Variants in SLC6A17 observed in about 807,000 individuals in gnomAD.
SLC6A17 encodes solute carrier family 6 member 17.
Under a neutral mutation model 64.5 loss-of-function variants are expected in SLC6A17, and 21 were observed. The observed-to-expected ratio is 0.33, with a 90% confidence interval of 0.23 to 0.47. SLC6A17 has a LOEUF of 0.47. Among genes scored for constraint, SLC6A17 ranks in the 20% least tolerant of loss-of-function variants. SLC6A17 has a pLI of 1.00. For synonymous variants in SLC6A17, 372 were observed against 399.5 expected (o/e 0.93, Z 0.82); for missense variants, 682 against 963.2 (o/e 0.71, Z 3.86).
intron 1 of SLC6A17, among the ~76,000 whole-genome samples, chr1:110,153,523 G>GTGTGTGTGTGTGTGTA: frequency 6.6e-6 from 1 of 150,808 alleles, no homozygotes; most frequent in Non-Finnish European, 1.5e-5. Context: ...CTGGAAATGT[G>GTGTGTGTGTGTGTGTA]TGTGTGTGTG....
intron 4 of SLC6A17, 92 bp downstream of exon 4, chr1:110,174,191 G>A (rs1656313167): frequency 9.2e-6 from 14 of 1,521,480 alleles, no homozygotes; most frequent in Non-Finnish European, 1.2e-5. Context: ...TTTCAGACTT[G>A]TTGTGTCCCC....
intron 6 of SLC6A17, among the ~76,000 whole-genome samples, chr1:110,183,137 C>T (rs553496766): frequency 5.9e-5 from 9 of 152,294 alleles, no homozygotes; most frequent in Admixed American, 2.0e-4. Flanking sequence ...TCCAAGAGAA[C>T]TGAAAGCATG....
intron 1 of SLC6A17, among the ~76,000 whole-genome samples, chr1:110,154,451 C>T (rs912102179): frequency 6.6e-6 from 1 of 151,990 alleles, no homozygotes; most frequent in Non-Finnish European, 1.5e-5. Context: ...GTTAGTGCCC[C>T]GGGAAAAGGG....
Position 110,174,107 on chromosome 1 carries a change from T to G in SLC6A17, c.571+8T>G. The G allele has an allele frequency of 1.9e-6, 3 of 1,613,780 alleles. No homozygotes were observed. The East Asian group carries it at 6.7e-5, about 36-fold the overall frequency. ...GGAATGGGAGCGTGGCAGGCAAGTA[T>G]GGGGCCCAGCTGGGGATGCCAGCCA... On this transcript the variant is annotated splice_region_variant and intron_variant, in intron 4 of 11. Transcript: ENST00000331565.
chr1:110,198,750 A>C lies in SLC6A17; in HGVS notation c.*306A>C. On this transcript the variant is annotated 3_prime_UTR_variant, in exon 12 of 12. Transcript: ENST00000331565. ...AGGCCTGCTTCCCAGTCCATGGGAGATTCCAAGTGGCCACTGCAGGAGTCA... is the reference window on the plus strand; with the variant it reads ...AGGCCTGCTTCCCAGTCCATGGGAGCTTCCAAGTGGCCACTGCAGGAGTCA... 3.4e-6 allele frequency: 1 copy of C among 297,252 alleles called. No individual in the cohort carries two copies. 18.4% of individuals were successfully genotyped at this position (297,252 alleles called of 1,614,324 possible). A position where few individuals can be genotyped will look rare whatever the true frequency, so the allele number is the denominator to read the frequency against.
intron 3 of SLC6A17, 70 bp from the exon 4 acceptor site, chr1:110,173,898 GGGCCT>G: frequency 2.6e-6 from 4 of 1,529,232 alleles, no homozygotes; most frequent in East Asian, 2.4e-5. Context: ...CCGACGTGCT[GGGCCT>G]CGGGTGGAGC....
intron 10 of SLC6A17, 48 bp from the exon 11 acceptor site, chr1:110,197,389 G>T: frequency 1.9e-6 from 3 of 1,568,174 alleles, no homozygotes; most frequent in Non-Finnish European, 2.6e-6. Context: ...GAAGAGGGAG[G>T]TGTGACTGAG....
At chr1:110,197,352 G>A in intron 10 of SLC6A17, 85 bp from the exon 11 acceptor site, 2 of 1,516,782 alleles carry the variant, frequency 1.3e-6, no homozygotes, top group South Asian at 1.3e-5. Context: ...GGGAAACGAA[G>A]ACTTTCTGGA....
At chr1:110,165,850 G>A (rs967353856) in intron 1 of SLC6A17, among the ~76,000 whole-genome samples, 2 of 152,188 alleles carry the variant, frequency 1.3e-5, no homozygotes, top group Admixed American at 6.5e-5. Context: ...CAGGGCAACC[G>A]CAGGCTGGGG....
At chr1:110,159,002 A>G (rs1655830518) in intron 1 of SLC6A17, among the ~76,000 whole-genome samples, 1 of 152,226 alleles carries the variant, frequency 6.6e-6, no homozygotes, top group Admixed American at 6.5e-5. Context: ...TCAATGAAAT[A>G]TAGGTAATTA....
chr1:110,181,880 T>C lies in SLC6A17; in HGVS notation c.864+5141T>C, dbSNP rs112443392. Among the ~76,000 whole-genome samples, 549 of 152,210 alleles carry C rather than the reference T, an allele frequency of 3.6e-3. 1 individual carries two copies. Among genetic ancestry groups the C allele is most frequent in the African/African-American group, 0.013 (525 of 41,528 alleles). On this transcript the variant is annotated intron_variant, in intron 6 of 11. Coordinates refer to ENST00000331565, the MANE Select transcript of SLC6A17 (RefSeq NM_001010898.4). Reference sequence around the variant, plus strand: ...TAGGAGGGGAAGGAGGTAGGACGTATGGTCGGTAGTAATGTACAGCCGGAT... The same window carrying C: ...TAGGAGGGGAAGGAGGTAGGACGTACGGTCGGTAGTAATGTACAGCCGGAT...
At chr1:110,178,449 A>G (rs12755738) in intron 6 of SLC6A17, among the ~76,000 whole-genome samples, 52,145 of 152,128 alleles carry the variant, frequency 0.34, 11,003 homozygotes, top group Non-Finnish European at 0.47. Context: ...ATCTAATAAT[A>G]GAATAAAAAT....
Position 110,192,458 on chromosome 1 carries a change from T to G in SLC6A17, c.1107-48T>G, listed in dbSNP as rs753539740. The G allele has an allele frequency of 1.3e-6, 2 of 1,567,058 alleles. No homozygotes were observed. Among genetic ancestry groups the G allele is most frequent in the Non-Finnish European group, 1.7e-6 (2 of 1,154,686 alleles). On this transcript the variant is annotated intron_variant, in intron 7 of 11. Transcript: ENST00000331565. The surrounding 1 kb of genome is among the most constrained non-coding windows in gnomAD (Gnocchi z 4.3). Reference sequence around the variant, plus strand: ...GGAAGAGCCTCCAGGATCTCACCCATTGCCCACCCCTGCCTTCTTACCTGG... The same window carrying G: ...GGAAGAGCCTCCAGGATCTCACCCAGTGCCCACCCCTGCCTTCTTACCTGG...
At position 110,192,346 on chromosome 1, in the gene SLC6A17, GCACTCTCTGTCCCCAGCTCCGGGC is replaced by G; in HGVS notation, c.1106+137_1107-133del. 1 of 1,467,450 alleles carries G rather than the reference GCACTCTCTGTCCCCAGCTCCGGGC, an allele frequency of 6.8e-7. No homozygotes were observed. The highest frequency in any genetic ancestry group is 2.3e-5 in the East Asian group (1 of 43,710). The allele number at this position is 1,467,450 out of a possible 1,614,324, so 90.9% of individuals were successfully genotyped here. On this transcript the variant is annotated intron_variant, in intron 7 of 11. Coordinates refer to ENST00000331565, the MANE Select transcript of SLC6A17 (RefSeq NM_001010898.4). This position sits in a 1 kb window ranked among gnomAD's most constrained non-coding sequence, Gnocchi z 4.3. ...AGACTGAGGAATGGAGATCAGAGGAGCACTCTCTGTCCCCAGCTCCGGGCCACAGGGACAAGCTCAGAGATGCCT... is the reference window on the plus strand; with the variant it reads ...AGACTGAGGAATGGAGATCAGAGGAGCACAGGGACAAGCTCAGAGATGCCT...
chr1:110,191,324 C>T (rs1363015003), intron 6 of SLC6A17, among the ~76,000 whole-genome samples: 2 of 152,212 alleles, frequency 1.3e-5, no homozygotes, highest in Non-Finnish European at 2.9e-5. Context: ...TTGGAAATTG[C>T]TCCATGCCAT....
Position 110,198,546 on chromosome 1 carries a change from C to T in SLC6A17, c.*102C>T. 6.6e-7 allele frequency: 1 copy of T among 1,506,204 alleles called. No homozygotes were observed. The highest frequency in any genetic ancestry group is 2.3e-5 in the East Asian group (1 of 44,070). 93.3% of individuals were successfully genotyped at this position (1,506,204 alleles called of 1,614,324 possible). A position where few individuals can be genotyped will look rare whatever the true frequency, so the allele number is the denominator to read the frequency against. ...GTGGCCACCAGGCCCAGGCCAGGCC[C>T]TTTGCCCAAGAAGAGAGGGTCTGCC... On this transcript the variant is annotated 3_prime_UTR_variant, in exon 12 of 12. Transcript: ENST00000331565.
chr1:110,199,838 GAGATGGATGGATGGATGGAT>G lies in SLC6A17; in HGVS notation c.*1409_*1428del, dbSNP rs1657072930. 2.5e-6 allele frequency: 1 copy of G among 395,266 alleles called. No individual in the cohort carries two copies. 24.5% of individuals were successfully genotyped at this position (395,266 alleles called of 1,614,324 possible). A position where few individuals can be genotyped will look rare whatever the true frequency, so the allele number is the denominator to read the frequency against. On this transcript the variant is annotated 3_prime_UTR_variant, in exon 12 of 12. Coordinates refer to ENST00000331565, the MANE Select transcript of SLC6A17 (RefSeq NM_001010898.4). ...TGACCCAAGAGTAAATGTCTGCAGAGAGATGGATGGATGGATGGATAGATGGATGGATGGGTTGGGGAGTG... is the reference window on the plus strand; with the variant it reads ...TGACCCAAGAGTAAATGTCTGCAGAGAGATGGATGGATGGGTTGGGGAGTG...
intron 1 of SLC6A17, among the ~76,000 whole-genome samples, chr1:110,151,654 A>C (rs1259036537): frequency 6.6e-6 from 1 of 152,186 alleles, no homozygotes; most frequent in Non-Finnish European, 1.5e-5. Context: ...CTGCCTTGGA[A>C]AGAAGCGTGA....
At position 110,198,449 on chromosome 1, in the gene SLC6A17, T is replaced by C. The variant is rs1336325834; in HGVS notation, c.*5T>C. The C allele has an allele frequency of 1.3e-6, 2 of 1,596,186 alleles. No homozygotes were observed. Among genetic ancestry groups the C allele is most frequent in the East Asian group, 4.5e-5 (2 of 44,704 alleles). On this transcript the variant is annotated 3_prime_UTR_variant, in exon 12 of 12. Coordinates refer to ENST00000331565, the MANE Select transcript of SLC6A17 (RefSeq NM_001010898.4). ...ACCCCTGAGTCGGAGCTGTGACCAC[T>C]GCCCAAGCCCTGCCCGCCTCTCCCC...
Sources: gnomAD v4.1 joint callset for allele counts (sites outside exome capture counted in the v4.1 genomes callset) on GRCh38, gnomAD v4.1.1 for gene constraint, Gnocchi (gnomAD v3.1) non-coding constraint, MANE v1.5 for transcripts, NCBI Gene and HGNC (gene_info 2026-07-23, HGNC 2026-07-21) for gene names.